The following ADGRB3 variants were observed in gnomAD, a reference collection of about 807,000 sequenced individuals.
ADGRB3 encodes the protein adhesion G protein-coupled receptor B3.
In ADGRB3, 37 loss-of-function variants were observed where a neutral mutation model predicts 193.4. That is an observed-to-expected ratio of 0.19 (90% CI 0.15 to 0.25). The LOEUF is 0.25. Ranked by LOEUF, ADGRB3 falls within the 10% of genes least tolerant of loss-of-function variation. The pLI, the probability that ADGRB3 is intolerant of heterozygous loss-of-function variation, is 1.00. For missense variants in ADGRB3, 1,637 were observed against 1,852.9 expected (o/e 0.88, Z 2.14); for synonymous variants, 690 against 644.2 (o/e 1.07, Z -1.08).
At chr6:68,840,816 A>G (rs1011701415) in intron 3 of ADGRB3, among the ~76,000 whole-genome samples, 2 of 152,218 alleles carry the variant, frequency 1.3e-5, no homozygotes, top group African/African-American at 4.8e-5. Context: ...GAGTAGACAA[A>G]TGGATAAAAA....
intron 3 of ADGRB3, among the ~76,000 whole-genome samples, chr6:68,827,890 A>G (rs1054631720): frequency 1.3e-5 from 2 of 151,850 alleles, no homozygotes; most frequent in Non-Finnish European, 2.9e-5. Context: ...ATGCTCTTAC[A>G]CTCGTGTCCA....
At chr6:69,051,837 C>G (rs1771403767) in intron 15 of ADGRB3, among the ~76,000 whole-genome samples, 1 of 152,210 alleles carries the variant, frequency 6.6e-6, no homozygotes, top group African/African-American at 2.4e-5. Context: ...ACTTCCCCTG[C>G]TATCGCAACT....
chr6:68,988,624 A>G (rs1484236014), intron 10 of ADGRB3, among the ~76,000 whole-genome samples: 1 of 152,156 alleles, frequency 6.6e-6, no homozygotes, highest in Non-Finnish European at 1.5e-5. Flanking sequence ...TTGGAAATTA[A>G]CGCAGGGGGA....
intron 3 of ADGRB3, among the ~76,000 whole-genome samples, chr6:68,846,679 G>C (rs9351741): frequency 0.21 from 32,672 of 152,190 alleles, 4,053 homozygotes; most frequent in East Asian, 0.58. Flanking sequence ...GGTTTGGGAA[G>C]CTCCACCTAG....
intron 3 of ADGRB3, among the ~76,000 whole-genome samples, chr6:68,694,293 G>A (rs1437799010): frequency 2.0e-5 from 3 of 151,960 alleles, no homozygotes; most frequent in Non-Finnish European, 4.4e-5. Flanking sequence ...GTATACAGAG[G>A]ATGAATATAA....
chr6:68,751,499 A>G (rs537278612), intron 3 of ADGRB3, among the ~76,000 whole-genome samples: 36 of 152,326 alleles, frequency 2.4e-4, no homozygotes, highest in South Asian at 8.3e-4. Flanking sequence ...AAGTTCATGG[A>G]GGAAGAGAGA....
At chr6:68,800,494 T>C (rs936553244) in intron 3 of ADGRB3, among the ~76,000 whole-genome samples, 1 of 151,860 alleles carries the variant, frequency 6.6e-6, no homozygotes, top group South Asian at 2.1e-4. Context: ...GAGGAAGACA[T>C]AAGATGGAGA....
chr6:68,773,216 G>A (rs73745859), intron 3 of ADGRB3, among the ~76,000 whole-genome samples: 4,790 of 152,004 alleles, frequency 0.032, 140 homozygotes, highest in African/African-American at 0.069. Context: ...AAAGAAGTTG[G>A]GGTTTAAAGA....
chr6:68,678,526 G>A (rs1480088566), intron 3 of ADGRB3, among the ~76,000 whole-genome samples: 1 of 152,128 alleles, frequency 6.6e-6, no homozygotes, highest in South Asian at 2.1e-4. Flanking sequence ...ACATATAAAA[G>A]ACAGGTGGAT....
intron 17 of ADGRB3, among the ~76,000 whole-genome samples, chr6:69,194,545 G>A (rs1281900705): frequency 6.6e-6 from 1 of 152,122 alleles, no homozygotes; most frequent in Non-Finnish European, 1.5e-5. Flanking sequence ...TTGATTGCGT[G>A]AGAATGGGCT....
In ADGRB3 at chr6:69,388,628, C is replaced by G. The variant is rs572452454; in HGVS notation, c.4381-75C>G. 9 of 1,383,906 alleles carry G rather than the reference C, an allele frequency of 6.5e-6. No homozygotes were observed. In the South Asian group the frequency reaches 1.1e-4, roughly 18 times the overall value. The allele number at this position is 1,383,906 out of a possible 1,614,324, so 85.7% of individuals were successfully genotyped here. A position where few individuals can be genotyped will look rare whatever the true frequency, so the allele number is the denominator to read the frequency against. On this transcript the variant is annotated intron_variant, in intron 31 of 31. Coordinates refer to ENST00000370598, the MANE Select transcript of ADGRB3 (RefSeq NM_001704.3). ...ACTGGATTAAGATTACAAACACGCT[C>G]TCTTCCTGGAAACTTCAACTAGCGG...
At chr6:69,303,335 C>G (rs1767988027) in intron 20 of ADGRB3, among the ~76,000 whole-genome samples, 3 of 151,832 alleles carry the variant, frequency 2.0e-5, no homozygotes, top group Non-Finnish European at 4.4e-5. Flanking sequence ...CCTAAAGTTA[C>G]ACCGAGTGTG....
rs1773800438 is a variant in ADGRB3, at chr6:69,124,402, A to C, written c.2480+48364A>C. 2.6e-5 allele frequency among the ~76,000 whole-genome samples: 4 copies of C among 152,096 alleles called. No homozygotes were observed. The South Asian group carries it at 8.3e-4, about 31-fold the overall frequency. The stretch of plus-strand genomic sequence containing the variant: ...ACATATTTATCTTTTTCTGCACTAC[A>C]GACTATCTGAGTTAGAATTCTGTAG... On this transcript the variant is annotated intron_variant, in intron 17 of 31. Transcript: ENST00000370598.
intron 26 of ADGRB3, among the ~76,000 whole-genome samples, chr6:69,344,647 A>C (rs1343807874): frequency 6.6e-6 from 1 of 152,180 alleles, no homozygotes; most frequent in East Asian, 1.9e-4. Flanking sequence ...AGTTACATGA[A>C]CATCCAGGTT....
At chr6:68,992,966 T>C (rs537431101) in intron 10 of ADGRB3, among the ~76,000 whole-genome samples, 1 of 152,248 alleles carries the variant, frequency 6.6e-6, no homozygotes, top group South Asian at 2.1e-4. Context: ...GATTAAACTT[T>C]TAGTAAACAA....
chr6:69,121,752 C>A (rs1454455530), intron 17 of ADGRB3, among the ~76,000 whole-genome samples: 1 of 147,422 alleles, frequency 6.8e-6, no homozygotes, highest in African/African-American at 2.5e-5. Context: ...GGCAGCCAGG[C>A]GTAGGCGCTC....
intron 10 of ADGRB3, among the ~76,000 whole-genome samples, chr6:68,990,017 T>C (rs1289483573): frequency 6.6e-6 from 1 of 151,852 alleles, no homozygotes; most frequent in East Asian, 1.9e-4. Flanking sequence ...AACCATAGAA[T>C]TAAACCATAG....
At chr6:68,640,229 T>C (rs2127274956) in intron 3 of ADGRB3, among the ~76,000 whole-genome samples, 1 of 152,104 alleles carries the variant, frequency 6.6e-6, no homozygotes, top group East Asian at 1.9e-4. Context: ...TAGTCCCCGG[T>C]TGACGTACAC....
At chr6:69,299,417 C>T (rs770676560) in intron 20 of ADGRB3, among the ~76,000 whole-genome samples, 7 of 151,604 alleles carry the variant, frequency 4.6e-5, no homozygotes, top group African/African-American at 7.3e-5. Context: ...TGATGTTATC[C>T]CATTTGTCTA....
Sources: gnomAD v4.1 joint callset for allele counts (sites outside exome capture counted in the v4.1 genomes callset) on GRCh38, gnomAD v4.1.1 for gene constraint, MANE v1.5 for transcripts, NCBI Gene and HGNC (gene_info 2026-07-23, HGNC 2026-07-21) for gene names.